Variants in DISP1 observed in about 807,000 individuals in gnomAD.
DISP1 encodes protein dispatched homolog 1.
DISP1 carries 30 observed loss-of-function variants against 37.3 expected under a neutral mutation model. The observed-to-expected ratio is 0.80, with a 90% CI of 0.60 to 1.09. The LOEUF is 1.09. DISP1 is among the 50% of genes least tolerant of loss of function. The probability of loss-of-function intolerance (pLI) is 0.00; values close to 1 mark genes in which losing one functional copy is unlikely to be tolerated. For missense variants in DISP1, 1,598 were observed against 1,879.5 expected (o/e 0.85, Z 2.77); for synonymous variants, 634 against 690.2 (o/e 0.92, Z 1.28).
chr1:222,933,801 G>A (rs1673545815), intron 2 of DISP1, among the ~76,000 whole-genome samples: 1 of 151,914 alleles, frequency 6.6e-6, no homozygotes, highest in African/African-American at 2.4e-5. Flanking sequence ...TCTCAGGAGG[G>A]AAGAAGATTA....
At chr1:222,993,478 C>T (rs779274505) in intron 7 of DISP1, among the ~76,000 whole-genome samples, 27 of 152,138 alleles carry the variant, frequency 1.8e-4, no homozygotes, top group Non-Finnish European at 3.4e-4. Flanking sequence ...TATTAGAACA[C>T]TAGATGACCT....
rs1674504997 is a variant in DISP1, at chr1:222,943,106, A to T, written c.283A>T (p.Ser95Cys). 3 of 1,614,014 alleles carry T rather than the reference A, an allele frequency of 1.9e-6. No individual in the cohort carries two copies. The South Asian group carries it at 3.3e-5, about 18-fold the overall frequency. Residue 95 changes from serine (S) to cysteine (C), a missense_variant, in exon 3 of 9, where the codon AGC (serine) becomes TGC (cysteine). Physicochemically the swap from Ser to Cys is moderately radical, Grantham distance 112 (BLOSUM62 -1). Coordinates refer to ENST00000675850, the MANE Select transcript of DISP1 (RefSeq NM_001377229.1). ...ATACCATCACCCTTTGACTAGCCAT[A>T]GCAGTCACCAAGAGTGCCATCCCGA... ...CPYHHPLTSH[S>C]SHQECHPEAG...
At chr1:222,959,222 T>C (rs1396966203) in intron 3 of DISP1, among the ~76,000 whole-genome samples, 1 of 152,196 alleles carries the variant, frequency 6.6e-6, no homozygotes, top group African/African-American at 2.4e-5. Flanking sequence ...AAGTGGACTT[T>C]AATGGCATAA....
chr1:222,965,137 T>C (rs1356187262), intron 3 of DISP1, among the ~76,000 whole-genome samples: 1 of 152,164 alleles, frequency 6.6e-6, no homozygotes, highest in Non-Finnish European at 1.5e-5. Flanking sequence ...CAGTATAGCC[T>C]AGTGGTTAAG....
chr1:222,987,046 G>GAT (rs67964109), intron 4 of DISP1, among the ~76,000 whole-genome samples: 41,396 of 145,848 alleles, frequency 0.28, 5,740 homozygotes, highest in South Asian at 0.34. Flanking sequence ...ACAGGATATG[G>GAT]ATATATATAT....
At chr1:222,870,059 G>A (rs1669446830) in intron 1 of DISP1, among the ~76,000 whole-genome samples, 5 of 151,898 alleles carry the variant, frequency 3.3e-5, no homozygotes, top group Admixed American at 2.0e-4. Context: ...TTGTCCTTGC[G>A]ATAGTTTGCT....
At chr1:222,868,557 T>C (rs1246310637) in intron 1 of DISP1, among the ~76,000 whole-genome samples, 1 of 152,150 alleles carries the variant, frequency 6.6e-6, no homozygotes, top group Non-Finnish European at 1.5e-5. Context: ...TTTAATTTGT[T>C]ACATGAAGCA....
At chr1:222,912,199 TG>T (rs1360469622) in intron 1 of DISP1, among the ~76,000 whole-genome samples, 1 of 152,182 alleles carries the variant, frequency 6.6e-6, no homozygotes, top group East Asian at 1.9e-4. Context: ...AAAAATAAGT[TG>T]GAACTTAAAG....
intron 5 of DISP1, 103 bp downstream of exon 5, chr1:222,990,851 CCTT>C: frequency 6.9e-7 from 1 of 1,445,918 alleles, no homozygotes; most frequent in South Asian, 1.2e-5. Flanking sequence ...TCTTTAAAAA[CCTT>C]CTCAAGCAAC....
At chr1:222,910,083 G>C (rs1029576772) in intron 1 of DISP1, among the ~76,000 whole-genome samples, 1 of 152,188 alleles carries the variant, frequency 6.6e-6, no homozygotes, top group Non-Finnish European at 1.5e-5. Context: ...TCAAGGATGA[G>C]GCTGGCGCGG....
chr1:222,854,463 A>G (rs1289028847), intron 1 of DISP1, among the ~76,000 whole-genome samples: 2 of 152,142 alleles, frequency 1.3e-5, no homozygotes, highest in African/African-American at 2.4e-5. Context: ...CATGGGGGAA[A>G]CTGCCCCCAT....
At chr1:222,872,020 G>A (rs1669615692) in intron 1 of DISP1, among the ~76,000 whole-genome samples, 1 of 151,984 alleles carries the variant, frequency 6.6e-6, no homozygotes, top group African/African-American at 2.4e-5. Context: ...TTTGTCAAAG[G>A]CCTTTTCTGC....
intron 1 of DISP1, among the ~76,000 whole-genome samples, chr1:222,841,967 T>A (rs1265722205): frequency 6.6e-6 from 1 of 152,094 alleles, no homozygotes; most frequent in Non-Finnish European, 1.5e-5. Context: ...TTTCAATTAT[T>A]TTTGTCATTT....
intron 1 of DISP1, among the ~76,000 whole-genome samples, chr1:222,856,954 T>G (rs1360786792): frequency 6.6e-6 from 1 of 152,142 alleles, no homozygotes; most frequent in Non-Finnish European, 1.5e-5. Flanking sequence ...TCTGCCTGCC[T>G]CGGCCTCCCA....
chr1:222,945,024 A>G (rs367681576), intron 3 of DISP1, among the ~76,000 whole-genome samples: 1 of 147,288 alleles, frequency 6.8e-6, no homozygotes, highest in African/African-American at 2.5e-5. Context: ...CAAAAAAAAA[A>G]GGGAAAAAAG....
intron 1 of DISP1, among the ~76,000 whole-genome samples, chr1:222,856,806 C>T (rs1441153946): frequency 6.7e-6 from 1 of 150,004 alleles, no homozygotes; most frequent in Admixed American, 6.7e-5. Context: ...CTGTTTCAAG[C>T]AGTCCTCCTG....
chr1:222,966,051 G>A (rs1676452672), intron 3 of DISP1, among the ~76,000 whole-genome samples: 1 of 152,056 alleles, frequency 6.6e-6, no homozygotes, highest in South Asian at 2.1e-4. Flanking sequence ...TGGATGGATG[G>A]ATGGATAGAT....
intron 3 of DISP1, among the ~76,000 whole-genome samples, chr1:222,968,814 T>C (rs1428551883): frequency 6.6e-6 from 1 of 151,904 alleles, no homozygotes; most frequent in Non-Finnish European, 1.5e-5. Context: ...ATGCCTGTAA[T>C]CCCAGCTACT....
At chr1:222,942,248 T>C (rs1320995675) in intron 2 of DISP1, among the ~76,000 whole-genome samples, 1 of 152,228 alleles carries the variant, frequency 6.6e-6, no homozygotes, top group Admixed American at 6.5e-5. Flanking sequence ...CTTTCCTGAC[T>C]GGTTTTAATT....
Sources: gnomAD v4.1 joint callset for allele counts (sites outside exome capture counted in the v4.1 genomes callset) on GRCh38, gnomAD v4.1.1 for gene constraint, MANE v1.5 for transcripts, NCBI Gene and HGNC (gene_info 2026-07-23, HGNC 2026-07-21) for gene names.